SWT1: variants seen among roughly 807,000 people sequenced by gnomAD.
SWT1 encodes the protein SWT1 RNA endoribonuclease homolog.
A neutral mutation model predicts 107.3 loss-of-function variants in SWT1; 33 were observed. The observed-to-expected ratio is 0.31, with a 90% confidence interval of 0.23 to 0.41. The LOEUF is 0.41. SWT1 is among the 10% of genes least tolerant of loss of function. SWT1 has a pLI of 1.00. For synonymous variants in SWT1, 345 were observed against 348.3 expected (o/e 0.99, Z 0.11); for missense variants, 898 against 1,028.9 (o/e 0.87, Z 1.74).
intron 18 of SWT1, among the ~76,000 whole-genome samples, chr1:185,284,028 T>C (rs1421485569): frequency 6.6e-6 from 1 of 152,242 alleles, no homozygotes; most frequent in Non-Finnish European, 1.5e-5. Context: ...GAGATTCTAA[T>C]TCTCAGAAGC....
chr1:185,167,138 C>T (rs1421179322), intron 3 of SWT1, among the ~76,000 whole-genome samples: 2 of 152,136 alleles, frequency 1.3e-5, no homozygotes, highest in African/African-American at 4.8e-5. Context: ...AAACTCCTGA[C>T]CTCAAGTGAT....
At chr1:185,286,268 G>C (rs1381363543) in intron 18 of SWT1, among the ~76,000 whole-genome samples, 1 of 152,110 alleles carries the variant, frequency 6.6e-6, no homozygotes, top group African/African-American at 2.4e-5. Flanking sequence ...CTGTCGCCCA[G>C]ACTGGATTGC....
At chr1:185,214,936 A>G (rs1659102318) in intron 14 of SWT1, among the ~76,000 whole-genome samples, 1 of 152,172 alleles carries the variant, frequency 6.6e-6, no homozygotes, top group Non-Finnish European at 1.5e-5. Context: ...TTGACTGTTC[A>G]TTTACAGTGC....
At chr1:185,188,574 G>A (rs1656688222) in intron 9 of SWT1, among the ~76,000 whole-genome samples, 1 of 152,170 alleles carries the variant, frequency 6.6e-6, no homozygotes, top group African/African-American at 2.4e-5. Context: ...TCACTAATAT[G>A]AACTCCTAAA....
chr1:185,200,994 G>A (rs893274574), intron 10 of SWT1, among the ~76,000 whole-genome samples: 5 of 152,118 alleles, frequency 3.3e-5, no homozygotes, highest in African/African-American at 1.2e-4. Flanking sequence ...AGTGGCTTTG[G>A]GGCGCTGCGG....
chr1:185,176,543 T>C (rs1655576347), intron 5 of SWT1: 1 of 974,768 alleles, frequency 1.0e-6, no homozygotes. Context: ...ATCTCTATAA[T>C]TTTGTTTCTA....
rs567336029 is a variant in SWT1 at position 185,255,267 on chromosome 1, G to A, written c.2442-16056G>A. ...AAAATGTATATTCTGTTGATTTGGG[G>A]TGGAGAGTTCTGTAGATGTCTATTA... On this transcript the variant is annotated intron_variant, in intron 16 of 18. Coordinates refer to ENST00000367500, the MANE Select transcript of SWT1 (RefSeq NM_017673.7). Among the ~76,000 whole-genome samples the A allele has an allele frequency of 3.1e-3, 473 of 150,664 alleles. 1 individual carries two copies. The highest frequency in any genetic ancestry group is 0.011 in the African/African-American group (455 of 40,958).
intron 4 of SWT1, among the ~76,000 whole-genome samples, 195 bp from the exon 5 acceptor site, chr1:185,174,177 T>A (rs1655337256): frequency 6.6e-6 from 1 of 151,830 alleles, no homozygotes; most frequent in African/African-American, 2.4e-5. Flanking sequence ...AAAGTTGTAA[T>A]TTTTTTTTCC....
intron 16 of SWT1, among the ~76,000 whole-genome samples, chr1:185,242,201 A>C (rs1661297467): frequency 6.6e-6 from 1 of 152,302 alleles, no homozygotes; most frequent in South Asian, 2.1e-4. Flanking sequence ...TCTATATTGC[A>C]GTTTGACAAG....
At chr1:185,214,193 T>C (rs1659044159) in intron 13 of SWT1, among the ~76,000 whole-genome samples, 1 of 152,156 alleles carries the variant, frequency 6.6e-6, no homozygotes, top group African/African-American at 2.4e-5. Context: ...GTGGTTTGAC[T>C]TGTTTCTTTG....
intron 16 of SWT1, chr1:185,263,975 C>T (rs1266063653): frequency 6.6e-6 from 1 of 152,192 alleles, no homozygotes; most frequent in Non-Finnish European, 1.5e-5. Flanking sequence ...CACAACTAAG[C>T]AAATTTCAGT....
intron 16 of SWT1, among the ~76,000 whole-genome samples, chr1:185,261,222 A>T (rs1388053544): frequency 6.6e-6 from 1 of 152,048 alleles, no homozygotes; most frequent in Non-Finnish European, 1.5e-5. Flanking sequence ...GAATTTGACT[A>T]CTTTAGGTAC....
At chr1:185,247,752 A>C (rs528817196) in intron 16 of SWT1, among the ~76,000 whole-genome samples, 2 of 152,302 alleles carry the variant, frequency 1.3e-5, no homozygotes, top group Admixed American at 6.5e-5. Flanking sequence ...TTTTAGAAAT[A>C]TATGAGATTT....
intron 16 of SWT1, among the ~76,000 whole-genome samples, chr1:185,261,665 A>G (rs1571651097): frequency 8.3e-6 from 1 of 120,258 alleles, no homozygotes; most frequent in South Asian, 2.6e-4. Flanking sequence ...AATGCCTGTG[A>G]TTTTCTGCTT....
At chr1:185,243,047 C>CAAA (rs1661354282) in intron 16 of SWT1, among the ~76,000 whole-genome samples, 1 of 152,140 alleles carries the variant, frequency 6.6e-6, no homozygotes, top group Non-Finnish European at 1.5e-5. Context: ...TCTTACAAAG[C>CAAA]AGTTATATAA....
intron 15 of SWT1, among the ~76,000 whole-genome samples, chr1:185,228,624 ATGT>A (rs1660272108): frequency 6.6e-6 from 1 of 152,202 alleles, no homozygotes; most frequent in Non-Finnish European, 1.5e-5. Flanking sequence ...TCAAGGGAAA[ATGT>A]TGTATTTATT....
At chr1:185,195,132 A>G (rs919924643) in intron 10 of SWT1, among the ~76,000 whole-genome samples, 2 of 152,054 alleles carry the variant, frequency 1.3e-5, no homozygotes, top group African/African-American at 4.8e-5. Context: ...ATTTCTCCTA[A>G]TGCTATCCTT....
chr1:185,162,652 TG>T (rs1016595812), intron 2 of SWT1, among the ~76,000 whole-genome samples: 6 of 152,190 alleles, frequency 3.9e-5, no homozygotes, highest in African/African-American at 9.6e-5. Flanking sequence ...CTTTTTATAA[TG>T]TATAGGCATA....
intron 16 of SWT1, among the ~76,000 whole-genome samples, chr1:185,243,926 A>G (rs1558069437): frequency 6.6e-6 from 1 of 152,160 alleles, no homozygotes; most frequent in Non-Finnish European, 1.5e-5. Context: ...GATTTTATTT[A>G]AACCTTATTG....
Sources: gnomAD v4.1 joint callset for allele counts (sites outside exome capture counted in the v4.1 genomes callset) on GRCh38, gnomAD v4.1.1 for gene constraint, MANE v1.5 for transcripts, NCBI Gene and HGNC (gene_info 2026-07-23, HGNC 2026-07-21) for gene names.